Variants in TPCN2 observed in about 807,000 individuals in gnomAD.
The protein encoded by TPCN2 is two pore segment channel 2.
In TPCN2, 92 loss-of-function variants were observed where a neutral mutation model predicts 111.4. The ratio of observed to expected loss-of-function variants is 0.83; its 90% confidence interval spans 0.70 to 0.98. The LOEUF is 0.98. TPCN2 is among the 50% of genes least tolerant of loss of function. TPCN2 has a pLI of 0.00. For synonymous variants in TPCN2, 405 were observed against 414.5 expected, an observed-to-expected ratio of 0.98 and a Z score of 0.28; for missense variants, 995 against 980.1, an observed-to-expected ratio of 1.02 and a Z score of -0.20.
In TPCN2 at chr11:69,071,984, T is replaced by C; in HGVS notation, c.1022T>C (p.Leu341Pro). Residue 341 changes from leucine to proline, a missense_variant, in exon 11 of 25, where the codon CTA becomes CCA. Coordinates refer to ENST00000294309, the MANE Select transcript of TPCN2 (RefSeq NM_139075.4). ...RLGTRAAFEV[L>P]SSMVGEGGAF... Reference sequence around the variant, plus strand: ...GGAACCCGGGCTGCCTTTGAAGTCCTATCCTCCATGGTGGGGGAGGGAGGA... The same window carrying C: ...GGAACCCGGGCTGCCTTTGAAGTCCCATCCTCCATGGTGGGGGAGGGAGGA... 1 of 1,614,002 alleles carries C rather than the reference T, an allele frequency of 6.2e-7. No homozygotes were observed. The highest frequency in any genetic ancestry group is 8.5e-7 in the Non-Finnish European group (1 of 1,179,978).
chr11:69,056,049 A>G (rs1191064845), intron 4 of TPCN2, among the ~76,000 whole-genome samples: 1 of 152,212 alleles, frequency 6.6e-6, no homozygotes, highest in Admixed American at 6.5e-5. Context: ...CTCGTCAGAG[A>G]CTTAGTGCCT....
At chr11:69,087,379 C>T (rs1292980047) in intron 24 of TPCN2, among the ~76,000 whole-genome samples, 173 bp downstream of exon 24, 1 of 152,170 alleles carries the variant, frequency 6.6e-6, no homozygotes, top group East Asian at 1.9e-4. Flanking sequence ...GGGATCGGGG[C>T]GGCTTCTTCT....
chr11:69,085,843 C>T lies in TPCN2; in HGVS notation c.1921-5C>T, dbSNP rs372153521. 53 of 1,614,182 alleles carry T rather than the reference C, an allele frequency of 3.3e-5. No individual in the cohort carries two copies. Among genetic ancestry groups the T allele is most frequent in the South Asian group, 3.0e-4 (27 of 91,084 alleles). On this transcript the variant is annotated splice_polypyrimidine_tract_variant and splice_region_variant and intron_variant, in intron 21 of 24. Coordinates refer to ENST00000294309, the MANE Select transcript of TPCN2 (RefSeq NM_139075.4). ...CTCCTGGACCGCTGGTCTCTGCCCCCGCAGGCTGCCCTGGTCACTCTGTGG... is the reference window on the plus strand; with the variant it reads ...CTCCTGGACCGCTGGTCTCTGCCCCTGCAGGCTGCCCTGGTCACTCTGTGG...
chr11:69,054,439 G>C (rs1361656410), intron 2 of TPCN2: 4 of 563,762 alleles, frequency 7.1e-6, no homozygotes, highest in Non-Finnish European at 1.3e-5. Flanking sequence ...CTCGCAGGCA[G>C]ACACGGGCAC....
chr11:69,052,306 C>T lies in TPCN2; in HGVS notation c.110-1727C>T, dbSNP rs190286172. ...GGTAAGGTGGGGCCTCTCAGATCACCGGCCCCCCAGGCTCCCCTCAGGGCT... is the reference window on the plus strand; with the variant it reads ...GGTAAGGTGGGGCCTCTCAGATCACTGGCCCCCCAGGCTCCCCTCAGGGCT... On this transcript the variant is annotated intron_variant, in intron 1 of 24. Transcript: ENST00000294309. Among the ~76,000 whole-genome samples the T allele has an allele frequency of 4.1e-3, 621 of 152,198 alleles. 2 individuals are homozygous for T. Among genetic ancestry groups the T allele is most frequent in the African/African-American group, 0.014 (601 of 41,506 alleles).
chr11:69,087,986 G>C lies in TPCN2; in HGVS notation c.*33G>C. On this transcript the variant is annotated 3_prime_UTR_variant, in exon 25 of 25. Transcript: ENST00000294309. The stretch of plus-strand genomic sequence containing the variant: ...GCTGCCGTCCCAGCAGGGGCGGCAG[G>C]AGAGAGAGGCTGGCCTACACAGGTG... 1 of 1,582,524 alleles carries C rather than the reference G, an allele frequency of 6.3e-7. No individual in the cohort carries two copies. The highest frequency in any genetic ancestry group is 8.6e-7 in the Non-Finnish European group (1 of 1,164,514).
In TPCN2 at chr11:69,085,950, A is replaced by T. The variant is rs1856255037; in HGVS notation, c.2003+20A>T. The T allele has an allele frequency of 6.2e-7, 1 of 1,609,378 alleles. No homozygotes were observed. The highest frequency in any genetic ancestry group is 8.5e-7 in the Non-Finnish European group (1 of 1,176,898). Reference sequence around the variant, plus strand: ...AGGCCCGTGAGTCCTCGTCTCCCTGACGGCAGTGATTCTCCGTGCAGCCTG... The same window carrying T: ...AGGCCCGTGAGTCCTCGTCTCCCTGTCGGCAGTGATTCTCCGTGCAGCCTG... On this transcript the variant is annotated intron_variant, in intron 22 of 24. Coordinates refer to ENST00000294309, the MANE Select transcript of TPCN2 (RefSeq NM_139075.4).
In TPCN2 at chr11:69,049,083, A is replaced by C; in HGVS notation, c.86A>C (p.Tyr29Ser). The C allele has an allele frequency of 8.1e-7, 1 of 1,242,048 alleles. No homozygotes were observed. The highest frequency in any genetic ancestry group is 1.0e-6 in the Non-Finnish European group (1 of 987,952). 76.9% of individuals were successfully genotyped at this position (1,242,048 alleles called of 1,614,324 possible). The change falls in exon 1 of 25, where the codon TAC becomes TCC. Residue 29 changes from tyrosine (Y) to serine (S), a missense_variant. By Grantham distance (144) the Tyr-to-Ser change is moderately radical (BLOSUM62 -2). Coordinates refer to ENST00000294309, the MANE Select transcript of TPCN2 (RefSeq NM_139075.4). ...GACTGGCCGGCGGGGCTGACCACTT[A>C]CCGCAGCATCCAAGTCGGCCCTGGT... ...GGDWPAGLTT[Y>S]RSIQVGPGAA...
At position 69,087,140 on chromosome 11, in the gene TPCN2, GCCACC is replaced by G. The variant is rs1565097301; in HGVS notation, c.2115_2119del (p.His706AlafsTer30). On this transcript the variant is annotated frameshift_variant, in exon 24 of 25. Transcript: ENST00000294309. LOFTEE classifies it high-confidence loss of function. ...TTCCTTCACAAGTGGGACCCCCGCA[GCCACC>G]TGCAGCCCCTTGCTGGGACCCCAGA... The G allele has an allele frequency of 1.2e-6, 2 of 1,613,898 alleles. No homozygotes were observed. The highest frequency in any genetic ancestry group is 1.7e-6 in the Non-Finnish European group (2 of 1,179,870).
At position 69,082,887 on chromosome 11, in the gene TPCN2, T is replaced by C. The variant is rs921559684; in HGVS notation, c.1690-1058T>C. On this transcript the variant is annotated intron_variant, in intron 18 of 24. Transcript: ENST00000294309. ...CCCGGATAAGACGCATGATCGTGTGTGCACACATCGCGTGCAGATATCCAC... is the reference window on the plus strand; with the variant it reads ...CCCGGATAAGACGCATGATCGTGTGCGCACACATCGCGTGCAGATATCCAC... Among the ~76,000 whole-genome samples, 4 of 150,588 alleles carry C rather than the reference T, an allele frequency of 2.7e-5. 1 individual carries two copies. Among genetic ancestry groups the C allele is most frequent in the Non-Finnish European group, 5.9e-5 (4 of 67,638 alleles).
At position 69,078,488 on chromosome 11, in the gene TPCN2, C is replaced by T; in HGVS notation, c.1237C>T (p.Pro413Ser). Reference sequence around the variant, plus strand: ...ACGTGTGTTCCTTGCCCAGCACCCGCCGAGGCCCGAGTACCAGTCTCCGTT... The same window carrying T: ...ACGTGTGTTCCTTGCCCAGCACCCGTCGAGGCCCGAGTACCAGTCTCCGTT... ...LDRSVVKEHP[P>S]RPEYQSPFLQ... The change falls in exon 14 of 25, where the codon CCG becomes TCG. Residue 413 changes from proline to serine, a missense_variant. By Grantham distance (74) the Pro-to-Ser change is moderately conservative (BLOSUM62 -1). Transcript: ENST00000294309. The T allele has an allele frequency of 6.2e-7, 1 of 1,614,110 alleles. No individual in the cohort carries two copies. Among genetic ancestry groups the T allele is most frequent in the Non-Finnish European group, 8.5e-7 (1 of 1,180,034 alleles).
intron 18 of TPCN2, among the ~76,000 whole-genome samples, chr11:69,083,527 C>T (rs1856135757): frequency 6.6e-6 from 1 of 152,224 alleles, no homozygotes; most frequent in Admixed American, 6.5e-5. Flanking sequence ...CTCTGCATTT[C>T]TTTGGCGTCT....
chr11:69,050,422 C>G (rs766566354), intron 1 of TPCN2, among the ~76,000 whole-genome samples: 44 of 152,224 alleles, frequency 2.9e-4, no homozygotes, highest in Non-Finnish European at 5.0e-4. Context: ...GTCACCCAGG[C>G]TGGAGTGCAG....
rs1183832373 is a variant in TPCN2 at position 69,067,756 on chromosome 11, C to G, written c.829+151C>G. On this transcript the variant is annotated intron_variant, in intron 8 of 24. Coordinates refer to ENST00000294309, the MANE Select transcript of TPCN2 (RefSeq NM_139075.4). ...AAAGGGTGACATTTTCCTTCCTCCC[C>G]TTCTTTTCCTATCTCTTCTTTTTTT... The G allele has an allele frequency of 1.3e-5, 8 of 616,776 alleles. No homozygotes were observed. The East Asian group carries it at 2.3e-4, about 18-fold the overall frequency. 38.2% of individuals were successfully genotyped at this position (616,776 alleles called of 1,614,324 possible).
chr11:69,049,056 G>C lies in TPCN2; in HGVS notation c.59G>C (p.Gly20Ala). ...PLLGGARGGGGDWPAGLTTYR... is the reference protein window; with the variant it reads ...PLLGGARGGGADWPAGLTTYR... ...CTGGGCGGGGCCCGCGGCGGTGGCG[G>C]CGACTGGCCGGCGGGGCTGACCACT... The change falls in exon 1 of 25, where the codon GGC becomes GCC. Residue 20 changes from glycine to alanine, a missense_variant. Transcript: ENST00000294309. The C allele has an allele frequency of 8.0e-7, 1 of 1,242,560 alleles. No homozygotes were observed. Among genetic ancestry groups the C allele is most frequent in the Non-Finnish European group, 1.0e-6 (1 of 988,634 alleles). The allele number at this position is 1,242,560 out of a possible 1,614,324, so 77.0% of individuals were successfully genotyped here. A position where few individuals can be genotyped will look rare whatever the true frequency, so the allele number is the denominator to read the frequency against.
intron 6 of TPCN2, 33 bp downstream of exon 6, chr11:69,063,023 G>A (rs1305323644): frequency 1.9e-6 from 3 of 1,595,288 alleles, no homozygotes; most frequent in East Asian, 4.5e-5. Flanking sequence ...TCGCAGGGTT[G>A]GGAAGGGGCT....
At chr11:69,085,349 T>C in intron 20 of TPCN2, 63 bp downstream of exon 20, 2 of 1,425,342 alleles carry the variant, frequency 1.4e-6, no homozygotes, top group Non-Finnish European at 2.0e-6. Flanking sequence ...GCGGGAAGCC[T>C]TGGCGGTGGC....
chr11:69,079,757 G>A (rs1285684660), intron 16 of TPCN2, 77 bp from the exon 17 acceptor site: 1 of 1,389,450 alleles, frequency 7.2e-7, no homozygotes, highest in East Asian at 2.3e-5. Flanking sequence ...TTAGAGATGA[G>A]CTTTATAATA....
At chr11:69,084,212 A>G (rs889521433) in intron 19 of TPCN2, among the ~76,000 whole-genome samples, 196 bp downstream of exon 19, 46 of 152,168 alleles carry the variant, frequency 3.0e-4, no homozygotes, top group Middle Eastern at 3.2e-3. Context: ...TTTGTACAGC[A>G]GGGAGCTCGG....
Sources: gnomAD v4.1 joint callset for allele counts (sites outside exome capture counted in the v4.1 genomes callset) on GRCh38, gnomAD v4.1.1 for gene constraint, MANE v1.5 for transcripts, NCBI Gene and HGNC (gene_info 2026-07-23, HGNC 2026-07-21) for gene names.